Variants in TRMT11 observed in about 807,000 individuals in gnomAD.
TRMT11 encodes the protein tRNA (guanine(10)-N(2))-methyltransferase TRMT11.
TRMT11 carries 53 observed loss-of-function variants against 62.8 expected under a neutral mutation model. That is an observed-to-expected ratio of 0.84 (90% confidence interval 0.68 to 1.06). The LOEUF is 1.06. TRMT11 is among the 50% of genes least tolerant of loss of function. TRMT11 has a pLI of 0.00. For synonymous variants in TRMT11, 188 were observed against 190.3 expected (o/e 0.99, Z 0.10); for missense variants, 556 against 553.4 (o/e 1.00, Z -0.05).
intron 1 of TRMT11, among the ~76,000 whole-genome samples, chr6:126,190,596 C>T (rs1001204846): frequency 1.3e-5 from 2 of 152,084 alleles, no homozygotes; most frequent in Non-Finnish European, 2.9e-5. Context: ...TGATAATGGA[C>T]GAATACACCT....
At chr6:125,988,128 A>G (rs762316193) in intron 1 of TRMT11, among the ~76,000 whole-genome samples, 2 of 152,240 alleles carry the variant, frequency 1.3e-5, no homozygotes, top group African/African-American at 4.8e-5. Flanking sequence ...GTAAAGTTTT[A>G]GGAAGCAGGG....
intron 17 of TRMT11, among the ~76,000 whole-genome samples, chr6:126,083,655 A>G (rs1480633130): frequency 1.3e-5 from 2 of 152,168 alleles, no homozygotes; most frequent in East Asian, 1.9e-4. Context: ...GCTACTCAGC[A>G]TGAGTTTCAC....
chr6:126,123,116 C>T (rs1310456062), intron 21 of TRMT11, among the ~76,000 whole-genome samples: 4 of 152,086 alleles, frequency 2.6e-5, no homozygotes, highest in Admixed American at 2.6e-4. Flanking sequence ...TGTAGCCTTG[C>T]TTTAAGGATA....
chr6:126,105,656 G>T (rs1777456918), intron 17 of TRMT11, among the ~76,000 whole-genome samples: 1 of 151,528 alleles, frequency 6.6e-6, no homozygotes, highest in East Asian at 1.9e-4. Context: ...TTGCCTTGTT[G>T]CTTCTTTTTA....
chr6:126,198,940 C>G (rs1437182804), intron 2 of TRMT11: 2 of 152,210 alleles, frequency 1.3e-5, no homozygotes, highest in Non-Finnish European at 2.9e-5. Flanking sequence ...GGAGCCTCCC[C>G]TGATCTCTGT....
intron 21 of TRMT11, among the ~76,000 whole-genome samples, chr6:126,133,476 T>C (rs1022380117): frequency 6.6e-6 from 1 of 152,030 alleles, no homozygotes; most frequent in African/African-American, 2.4e-5. Context: ...TTATGCCTGC[T>C]ATGCCCATAA....
Position 126,011,245 on chromosome 6 carries a change from C to T in TRMT11, c.761-8C>T. ...ATACTTTCTCTCTTCCTTTTTCTTT[C>T]CCTTCAGGAAAGGCTACTAGGAAAA... On this transcript the variant is annotated splice_polypyrimidine_tract_variant and splice_region_variant and intron_variant, in intron 8 of 12. Coordinates refer to ENST00000334379, the MANE Select transcript of TRMT11 (RefSeq NM_001031712.3). 6 of 1,599,352 alleles carry T rather than the reference C, an allele frequency of 3.8e-6. No homozygotes were observed. The highest frequency in any genetic ancestry group is 3.5e-5 in the Admixed American group (2 of 56,718).
At chr6:126,125,828 G>A (rs1777711080) in intron 21 of TRMT11, among the ~76,000 whole-genome samples, 1 of 151,272 alleles carries the variant, frequency 6.6e-6, no homozygotes, top group Admixed American at 6.6e-5. Flanking sequence ...TTAAGCCTTG[G>A]GATCTTCAGT....
the TRMT11 span, among the ~76,000 whole-genome samples, chr6:126,208,832 C>T: frequency 6.6e-5 from 10 of 152,170 alleles, no homozygotes; most frequent in Non-Finnish European, 1.5e-4. Flanking sequence ...TCCAGTCCTC[C>T]GTGGATGAAC....
At chr6:126,176,080 A>T (rs73771407), upstream of TRMT11, among the ~76,000 whole-genome samples, 1 of 152,132 alleles carries the variant, frequency 6.6e-6, no homozygotes, top group Admixed American at 6.5e-5. Flanking sequence ...AATCACTGAA[A>T]CGCCAATTTG....
intron 12 of TRMT11, among the ~76,000 whole-genome samples, chr6:126,034,595 G>A (rs1323330942): frequency 1.3e-5 from 2 of 152,066 alleles, no homozygotes; most frequent in African/African-American, 4.8e-5. Context: ...GGAAATTGTA[G>A]TCTTTTTATC....
chr6:126,143,394 T>C (rs1777940979), intron 21 of TRMT11, among the ~76,000 whole-genome samples: 1 of 152,104 alleles, frequency 6.6e-6, no homozygotes, highest in African/African-American at 2.4e-5. Flanking sequence ...ATGAGATTAC[T>C]TATTAAGATC....
chr6:126,164,293 G>GT, intron 21 of TRMT11, among the ~76,000 whole-genome samples: 1 of 152,374 alleles, frequency 6.6e-6, no homozygotes, highest in Admixed American at 6.5e-5. Context: ...TGTTGAGTGA[G>GT]TTTCTTAATC....
At chr6:126,119,364 G>A (rs958254163) in intron 21 of TRMT11, among the ~76,000 whole-genome samples, 4 of 151,854 alleles carry the variant, frequency 2.6e-5, no homozygotes, top group African/African-American at 4.8e-5. Context: ...TCACTCCTGT[G>A]GATGAAACCT....
chr6:126,108,107 T>TC (rs1700228109), intron 17 of TRMT11, among the ~76,000 whole-genome samples: 1 of 152,220 alleles, frequency 6.6e-6, no homozygotes, highest in Non-Finnish European at 1.5e-5. Flanking sequence ...TTTAAAGTCT[T>TC]CCCCTGGGAG....
At chr6:126,206,348 T>A (rs1001278678), downstream of TRMT11, among the ~76,000 whole-genome samples, 1 of 152,146 alleles carries the variant, frequency 6.6e-6, no homozygotes, top group Non-Finnish European at 1.5e-5. Flanking sequence ...TGTTAAAAGA[T>A]TCTGTTTTAG....
chr6:126,132,047 G>C (rs1001908306), intron 21 of TRMT11, among the ~76,000 whole-genome samples: 4 of 152,036 alleles, frequency 2.6e-5, no homozygotes, highest in Non-Finnish European at 5.9e-5. Context: ...ACCTTCAATA[G>C]AGAGAGTGGA....
chr6:126,268,653 A>G, the TRMT11 span, among the ~76,000 whole-genome samples: 1 of 152,060 alleles, frequency 6.6e-6, no homozygotes, highest in African/African-American at 2.4e-5. Flanking sequence ...AGTGGCCTAC[A>G]CTCCCAAACC....
At chr6:126,187,206 G>T (rs987084759) in intron 1 of TRMT11, among the ~76,000 whole-genome samples, 2 of 151,796 alleles carry the variant, frequency 1.3e-5, no homozygotes, top group Non-Finnish European at 2.9e-5. Flanking sequence ...CATGTATGAA[G>T]AAAACTCTAT....
Sources: gnomAD v4.1 joint callset for allele counts (sites outside exome capture counted in the v4.1 genomes callset) on GRCh38, gnomAD v4.1.1 for gene constraint, MANE v1.5 for transcripts, NCBI Gene and HGNC (gene_info 2026-07-23, HGNC 2026-07-21) for gene names.